The following SYTL2 variants were observed in gnomAD, a reference collection of about 807,000 sequenced individuals.
SYTL2 encodes the protein synaptotagmin-like protein 2.
In SYTL2, 165 loss-of-function variants were observed where a neutral mutation model predicts 198.7. The observed-to-expected ratio is 0.83, with a 90% CI of 0.73 to 0.94. The LOEUF is 0.94. SYTL2 is among the 40% of genes least tolerant of loss of function. The pLI is 0.00. For missense variants in SYTL2, 2,835 were observed against 2,582.8 expected, an observed-to-expected ratio of 1.10 and a Z score of -2.12; for synonymous variants, 966 against 917.7, an observed-to-expected ratio of 1.05 and a Z score of -0.95.
At chr11:85,782,073 T>C (rs780262549) in intron 1 of SYTL2, among the ~76,000 whole-genome samples, 27 of 152,170 alleles carry the variant, frequency 1.8e-4, no homozygotes, top group Admixed American at 4.6e-4. Flanking sequence ...CTAGCAGAGG[T>C]TCTCCATGAG....
chr11:85,757,425 C>G (rs1220366955), intron 2 of SYTL2, among the ~76,000 whole-genome samples, 200 bp downstream of exon 2: 2 of 152,098 alleles, frequency 1.3e-5, no homozygotes, highest in Non-Finnish European at 2.9e-5. Context: ...GACCCTATTT[C>G]TGGTAGGAGT....
At chr11:85,699,111 G>A (rs1478509399) in intron 17 of SYTL2, among the ~76,000 whole-genome samples, 1 of 152,140 alleles carries the variant, frequency 6.6e-6, no homozygotes, top group East Asian at 1.9e-4. Context: ...CTATGCCCTT[G>A]GGAAATGTTT....
chr11:85,812,984 T>A (rs115994341), upstream of SYTL2, among the ~76,000 whole-genome samples: 617 of 152,300 alleles, frequency 4.1e-3, 5 homozygotes, highest in African/African-American at 0.014. Context: ...TGGGTCTTGC[T>A]CACCTCTGGG....
intron 13 of SYTL2, 76 bp downstream of exon 13, chr11:85,711,037 T>C (rs1170411055): frequency 6.7e-7 from 1 of 1,496,374 alleles, no homozygotes; most frequent in Non-Finnish European, 9.0e-7. Flanking sequence ...GAGGCTGTTT[T>C]ACAATGAGCA....
At chr11:85,709,055 G>A (rs1454711886) in intron 14 of SYTL2, among the ~76,000 whole-genome samples, 1 of 151,874 alleles carries the variant, frequency 6.6e-6, no homozygotes, top group Non-Finnish European at 1.5e-5. Context: ...AGCCAGGATG[G>A]TCTCGATCTC....
chr11:85,747,559 C>T (rs2091241382), intron 3 of SYTL2, among the ~76,000 whole-genome samples: 1 of 152,090 alleles, frequency 6.6e-6, no homozygotes, highest in Non-Finnish European at 1.5e-5. Context: ...TTTTGACTTT[C>T]ACTTTTAAAT....
chr11:85,711,041 A>G, intron 13 of SYTL2, 72 bp downstream of exon 13: 1 of 1,509,528 alleles, frequency 6.6e-7, no homozygotes, highest in Non-Finnish European at 9.0e-7. Context: ...CTGTTTTACA[A>G]TGAGCATGAG....
At chr11:85,756,253 C>T (rs2091859036) in intron 2 of SYTL2, among the ~76,000 whole-genome samples, 1 of 152,190 alleles carries the variant, frequency 6.6e-6, no homozygotes, top group Admixed American at 6.5e-5. Context: ...GTTTAAGGCA[C>T]ACCATTTGCG....
intron 7 of SYTL2, among the ~76,000 whole-genome samples, chr11:85,733,287 G>T (rs904849283): frequency 6.6e-6 from 1 of 152,136 alleles, no homozygotes; most frequent in Admixed American, 6.5e-5. Flanking sequence ...CTGTACAAAG[G>T]TATTAGCTAA....
At chr11:85,764,305 A>G (rs555508941) in intron 1 of SYTL2, among the ~76,000 whole-genome samples, 4 of 152,310 alleles carry the variant, frequency 2.6e-5, no homozygotes, top group Admixed American at 2.6e-4. Context: ...GACTGAAAAA[A>G]TGCGCAGGCG....
chr11:85,849,319 C>T, the SYTL2 span, among the ~76,000 whole-genome samples: 1 of 152,148 alleles, frequency 6.6e-6, no homozygotes, highest in Non-Finnish European at 1.5e-5. Flanking sequence ...TCAATTTTGT[C>T]TTTTGTTGCC....
Position 85,704,876 on chromosome 11 carries a change from C to G in SYTL2, c.6171G>C (p.Trp2057Cys). The G allele has an allele frequency of 6.2e-7, 1 of 1,613,192 alleles. No homozygotes were observed. The highest frequency in any genetic ancestry group is 1.7e-5 in the Admixed American group (1 of 59,966). ...GACTCACCTTCCGCTTCAGAGGGTACCATCTCAATTGTTTATTCTGTTTGT... is the reference window on the plus strand; with the variant it reads ...GACTCACCTTCCGCTTCAGAGGGTAGCATCTCAATTGTTTATTCTGTTTGT... ...WDNKQNKQLRWYPLKRKTAPV... is the reference protein window; with the variant it reads ...WDNKQNKQLRCYPLKRKTAPV... The change falls in exon 16 of 20, where the codon TGG becomes TGC. Residue 2057 changes from tryptophan to cysteine, a missense_variant. By Grantham distance (215) the Trp-to-Cys change is radical. Coordinates refer to ENST00000359152, the MANE Select transcript of SYTL2 (RefSeq NM_206927.4).
intron 1 of SYTL2, among the ~76,000 whole-genome samples, chr11:85,804,203 C>G (rs941789448): frequency 6.6e-6 from 1 of 152,120 alleles, no homozygotes; most frequent in Non-Finnish European, 1.5e-5. Context: ...CTCTGTGTAA[C>G]AAAATTTTCT....
At chr11:85,807,780 C>T (rs953654771) in intron 1 of SYTL2, among the ~76,000 whole-genome samples, 33 of 152,326 alleles carry the variant, frequency 2.2e-4, no homozygotes, top group Non-Finnish European at 2.1e-4. Context: ...TGGCCCAGCA[C>T]TCATCTCTCC....
intron 1 of SYTL2, among the ~76,000 whole-genome samples, chr11:85,789,356 A>ATATATATATG: frequency 1.7e-5 from 1 of 58,018 alleles, no homozygotes; most frequent in South Asian, 8.2e-4. Flanking sequence ...ATATATATAT[A>ATATATATATG]TATATATATA....
At position 85,736,601 on chromosome 11, in the gene SYTL2, C is replaced by T. The variant is rs12288574; in HGVS notation, c.486G>A (p.Pro162=). The part of the protein sequence containing the change: ...NVSPEKQRKN[P]FNSSKLPEGH... The stretch of plus-strand genomic sequence containing the variant: ...CTTCTGGCAACTTGGAGCTATTAAA[C>T]GGATTCTTCCTCTGCTGGGGACAAA... Residue 162 remains proline, a synonymous_variant, in exon 6 of 20, where the codon CCG becomes CCA. Transcript: ENST00000359152. 3.5e-3 allele frequency: 5,535 copies of T among 1,569,172 alleles called. 114 individuals are homozygous for T. The African/African-American group carries it at 0.053, about 15-fold the overall frequency.
Position 85,724,615 on chromosome 11 carries a change from A to C in SYTL2, c.4743T>G (p.Tyr1581Ter), listed in dbSNP as rs778647751. Residue 1581 changes from tyrosine (Y) to a stop codon, truncating the protein, a stop_gained, in exon 8 of 20, where the codon TAT (tyrosine) becomes TAG (stop). Coordinates refer to ENST00000359152, the MANE Select transcript of SYTL2 (RefSeq NM_206927.4). LOFTEE classifies it high-confidence loss of function. ...CTTCTCTCACTGACACCTGGGGCTGATAAGGAGGAGCTTCAGTTATTTCTT... is the reference window on the plus strand; with the variant it reads ...CTTCTCTCACTGACACCTGGGGCTGCTAAGGAGGAGCTTCAGTTATTTCTT... ...LLKEITEAPP[Y>*]QPQVSVREET... 3.7e-6 allele frequency: 6 copies of C among 1,613,234 alleles called. No homozygotes were observed. Among genetic ancestry groups the C allele is most frequent in the South Asian group, 2.2e-5 (2 of 90,964 alleles).
Position 85,727,484 on chromosome 11 carries a change from T to C in SYTL2, c.1874A>G (p.Lys625Arg). The change falls in exon 8 of 20, where the codon AAG becomes AGG. Residue 625 changes from lysine (K) to arginine (R), a missense_variant. By Grantham distance (26) the Lys-to-Arg change is conservative. Coordinates refer to ENST00000359152, the MANE Select transcript of SYTL2 (RefSeq NM_206927.4). ...TGGTTGCAATATACCTGGGCCTTCC[T>C]TTGGGGTGCCTTTTTGGGACAAATT... ...FMNLSQKGTP[K>R]EGPGILQPFE... The C allele has an allele frequency of 6.5e-7, 1 of 1,536,096 alleles. No individual in the cohort carries two copies. The highest frequency in any genetic ancestry group is 8.7e-7 in the Non-Finnish European group (1 of 1,146,896).
chr11:85,759,652 T>TC (rs1308316193), intron 1 of SYTL2, among the ~76,000 whole-genome samples: 2 of 152,166 alleles, frequency 1.3e-5, no homozygotes, highest in Non-Finnish European at 2.9e-5. Context: ...CTTTCTGATC[T>TC]CCCCCCATGA....
Sources: gnomAD v4.1 joint callset for allele counts (sites outside exome capture counted in the v4.1 genomes callset) on GRCh38, gnomAD v4.1.1 for gene constraint, MANE v1.5 for transcripts, NCBI Gene and HGNC (gene_info 2026-07-23, HGNC 2026-07-21) for gene names.